PCDHA3: variants seen among roughly 807,000 people sequenced by gnomAD.
The protein encoded by PCDHA3 is protocadherin alpha 3.
In PCDHA3, 41 loss-of-function variants were observed where a neutral mutation model predicts 62.2. The observed-to-expected ratio is 0.66, with a 90% CI of 0.51 to 0.86. PCDHA3 has a LOEUF of 0.86. PCDHA3 is among the 40% of genes least tolerant of loss of function. The pLI is 0.00. For missense variants in PCDHA3, 1,304 were observed against 1,241.2 expected (o/e 1.05, Z -0.76); for synonymous variants, 640 against 555.4 (o/e 1.15, Z -2.14).
chr5:140,912,318 C>T (rs1554195270), intron 1 of PCDHA3, among the ~76,000 whole-genome samples: 2 of 151,536 alleles, frequency 1.3e-5, no homozygotes, highest in East Asian at 1.9e-4. Context: ...CAAGTTGACC[C>T]TCAGTATTAA....
chr5:140,909,801 T>C (rs1462008196), intron 1 of PCDHA3, among the ~76,000 whole-genome samples: 1 of 152,134 alleles, frequency 6.6e-6, no homozygotes, highest in African/African-American at 2.4e-5. Context: ...AGACTTCAGC[T>C]AAAACTCCAT....
intron 1 of PCDHA3, among the ~76,000 whole-genome samples, chr5:140,907,796 A>AG (rs2073616997): frequency 6.6e-6 from 1 of 152,214 alleles, no homozygotes; most frequent in African/African-American, 2.4e-5. Flanking sequence ...AAAGAGGCTA[A>AG]GTGGTGTCCA....
chr5:140,871,152 G>A (rs376980257), intron 1 of PCDHA3: 4 of 1,613,318 alleles, frequency 2.5e-6, no homozygotes, highest in South Asian at 1.1e-5. Context: ...GGACTTTGGC[G>A]GGCGCCGCGA....
At chr5:140,866,296 A>T (rs2049269688) in intron 1 of PCDHA3, 4 of 152,164 alleles carry the variant, frequency 2.6e-5, no homozygotes, top group Admixed American at 2.6e-4. Flanking sequence ...ACAAGTATAG[A>T]TGTTGATATT....
At chr5:140,966,063 C>T (rs2095963895) in intron 1 of PCDHA3, 1 of 153,130 alleles carries the variant, frequency 6.5e-6, no homozygotes, top group African/African-American at 2.4e-5. Flanking sequence ...CAGAGCGCCT[C>T]CCCCTGCGTT....
At chr5:140,955,654 AT>A (rs1264049969) in intron 1 of PCDHA3, among the ~76,000 whole-genome samples, 1 of 152,208 alleles carries the variant, frequency 6.6e-6, no homozygotes, top group Non-Finnish European at 1.5e-5. Flanking sequence ...TAATACACAT[AT>A]GAATTTTAAC....
rs1554144802 is a variant in PCDHA3, at chr5:140,850,697, T to G, written c.2394+47106T>G. ...TGCCCACCGAGGGCGAGTGCGCGCC[T>G]GGCAAGCCGACGCTGGTGTGTTCTA... On this transcript the variant is annotated intron_variant, in intron 1 of 3. Transcript: ENST00000522353. 18 of 1,596,928 alleles carry G rather than the reference T, an allele frequency of 1.1e-5. 1 individual carries two copies. The highest frequency in any genetic ancestry group is 3.4e-5 in the Admixed American group (2 of 59,142).
chr5:140,851,068 A>G lies in PCDHA3; in HGVS notation c.2394+47477A>G, dbSNP rs563336540. ...CGACTTTGTCTTGACTTCTAGTGAG[A>G]ATTATAAACTGTATATTAAATAGAT... On this transcript the variant is annotated intron_variant, in intron 1 of 3. Transcript: ENST00000522353. The G allele has an allele frequency of 1.3e-4, 170 of 1,354,166 alleles. 16 individuals carry two copies. Among genetic ancestry groups the G allele is most frequent in the Middle Eastern group, 2.2e-4 (1 of 4,590 alleles). 83.9% of individuals were successfully genotyped at this position (1,354,166 alleles called of 1,614,324 possible).
At chr5:140,893,498 A>G (rs1471386820) in intron 1 of PCDHA3, among the ~76,000 whole-genome samples, 2 of 151,410 alleles carry the variant, frequency 1.3e-5, no homozygotes, top group Admixed American at 6.6e-5. Flanking sequence ...CACAAAAAAG[A>G]AAAAAAAAGC....
chr5:140,835,733 C>T (rs2150243332), intron 1 of PCDHA3: 2 of 1,613,810 alleles, frequency 1.2e-6, no homozygotes. Context: ...ACGTGAACGA[C>T]AACGCCCCGG....
At chr5:140,857,435 G>A (rs912006741) in intron 1 of PCDHA3, 4 of 1,598,574 alleles carry the variant, frequency 2.5e-6, no homozygotes, top group Admixed American at 3.4e-5. Flanking sequence ...CACGGTGTTC[G>A]TGAAGGAGAA....
Position 140,928,772 on chromosome 5 carries a change from C to T in PCDHA3, c.2395-50177C>T, listed in dbSNP as rs1554206297. The stretch of plus-strand genomic sequence containing the variant: ...CGTACTGCTCGCTTAGTTCTTCCCA[C>T]TGATGCAGTTAAGCAGAGGGTGGTG... On this transcript the variant is annotated intron_variant, in intron 1 of 3. Coordinates refer to ENST00000522353, the MANE Select transcript of PCDHA3 (RefSeq NM_018906.3). The T allele has an allele frequency of 2.5e-6, 4 of 1,614,054 alleles. No individual in the cohort carries two copies. The East Asian group carries it at 6.7e-5, about 27-fold the overall frequency.
chr5:140,845,771 A>G (rs1034344709), intron 1 of PCDHA3, among the ~76,000 whole-genome samples: 1 of 149,762 alleles, frequency 6.7e-6, no homozygotes, highest in Admixed American at 6.7e-5. Context: ...GTTAATAGTT[A>G]TAAATTATTA....
At chr5:140,843,066 C>T (rs2150351563) in intron 1 of PCDHA3, 4 of 1,595,216 alleles carry the variant, frequency 2.5e-6, no homozygotes, top group Non-Finnish European at 3.4e-6. Context: ...AAGCTGGTGC[C>T]GCGGTCTGTG....
chr5:140,805,011 A>G, intron 1 of PCDHA3: 1 of 1,553,140 alleles, frequency 6.4e-7, no homozygotes, highest in Non-Finnish European at 8.7e-7. Flanking sequence ...TAGTTCTGTT[A>G]TCAGCTTCTT....
chr5:140,848,093 T>G, intron 1 of PCDHA3: 1 of 167,516 alleles, frequency 6.0e-6, no homozygotes, highest in South Asian at 1.6e-4. Context: ...AAGTGGAGAG[T>G]TTTCTCAGGG....
At chr5:140,967,188 TCAACGA>T in intron 1 of PCDHA3, 1 of 1,613,420 alleles carries the variant, frequency 6.2e-7, no homozygotes, top group Non-Finnish European at 8.5e-7. Flanking sequence ...ATATTGGACA[TCAACGA>T]CAACTCACCG....
rs147906609 is a variant in PCDHA3 at position 140,848,609 on chromosome 5, A to G, written c.2394+45018A>G. The G allele has an allele frequency of 2.9e-3, 4,585 of 1,584,560 alleles. 516 individuals carry two copies. Among genetic ancestry groups the G allele is most frequent in the Middle Eastern group, 0.01 (58 of 5,734 alleles). On this transcript the variant is annotated intron_variant, in intron 1 of 3. Coordinates refer to ENST00000522353, the MANE Select transcript of PCDHA3 (RefSeq NM_018906.3). ...AGCTCCACTACTCCGTCCCGGAGGAAGCCGAACACGGCACCTTCGTGGGCC... is the reference window on the plus strand; with the variant it reads ...AGCTCCACTACTCCGTCCCGGAGGAGGCCGAACACGGCACCTTCGTGGGCC...
At chr5:140,832,341 G>A (rs1771938364) in intron 1 of PCDHA3, among the ~76,000 whole-genome samples, 1 of 152,184 alleles carries the variant, frequency 6.6e-6, no homozygotes, top group South Asian at 2.1e-4. Flanking sequence ...CTGAGTTGTG[G>A]TTTGTGTTTC....
Sources: allele counts gnomAD v4.1 joint callset (sites outside exome capture counted in the v4.1 genomes callset), GRCh38; gene constraint gnomAD v4.1.1; transcripts MANE v1.5; gene names NCBI Gene and HGNC (gene_info 2026-07-23, HGNC 2026-07-21).